HLCS: variants seen among roughly 807,000 people sequenced by gnomAD.
The protein encoded by HLCS is biotin--protein ligase.
A neutral mutation model predicts 75.0 loss-of-function variants in HLCS; 53 were observed. The observed-to-expected ratio is 0.71, with a 90% CI of 0.57 to 0.89. HLCS has a LOEUF of 0.89. Among genes scored for constraint, HLCS ranks in the 40% least tolerant of loss-of-function variants. The pLI is 0.00. For synonymous variants in HLCS, 431 were observed against 428.6 expected (o/e 1.01, Z -0.07); for missense variants, 966 against 1,074.0 (o/e 0.90, Z 1.41).
chr21:36,935,009 T>A (rs561344345), intron 4 of HLCS, among the ~76,000 whole-genome samples: 1 of 152,050 alleles, frequency 6.6e-6, no homozygotes, highest in Non-Finnish European at 1.5e-5. Flanking sequence ...AGTAATGGGG[T>A]CAATTTAAAT....
At chr21:36,846,421 G>A (rs978574879) in intron 6 of HLCS, among the ~76,000 whole-genome samples, 8 of 151,918 alleles carry the variant, frequency 5.3e-5, no homozygotes, top group African/African-American at 1.7e-4. Flanking sequence ...ATTTCCAAGG[G>A]GCCTAGACTG....
chr21:36,919,382 T>G (rs1601740881), intron 5 of HLCS, among the ~76,000 whole-genome samples: 1 of 152,236 alleles, frequency 6.6e-6, no homozygotes, highest in Non-Finnish European at 1.5e-5. Context: ...GCCATGGTAT[T>G]GCTAGGTATC....
At chr21:36,799,573 T>G (rs1475795252) in intron 6 of HLCS, among the ~76,000 whole-genome samples, 1 of 152,156 alleles carries the variant, frequency 6.6e-6, no homozygotes, top group Non-Finnish European at 1.5e-5. Context: ...TTAGAGATGA[T>G]TCTTAAGGCA....
chr21:36,872,280 A>G (rs2063797027), intron 6 of HLCS, among the ~76,000 whole-genome samples: 1 of 151,418 alleles, frequency 6.6e-6, no homozygotes, highest in South Asian at 2.1e-4. Context: ...AAAATTAGCC[A>G]GGCGTGGTGG....
At chr21:36,966,407 G>C (rs1368443029) in intron 1 of HLCS, 37 bp downstream of exon 1, 1 of 654,972 alleles carries the variant, frequency 1.5e-6, no homozygotes, top group East Asian at 1.4e-4. Context: ...CTTCCGGCTC[G>C]CGGGGCCCGG....
intron 6 of HLCS, among the ~76,000 whole-genome samples, chr21:36,881,832 G>A (rs1339789311): frequency 6.6e-6 from 1 of 152,140 alleles, no homozygotes; most frequent in East Asian, 1.9e-4. Flanking sequence ...GGGGGGCTCT[G>A]CACCATTTTA....
rs761549990 is a variant in HLCS, at chr21:36,793,295, C to CTTTTTTTTTTTTTTTTTTTTTTTTT, written c.1893-26011_1893-26010insAAAAAAAAAAAAAAAAAAAAAAAAA. Among the ~76,000 whole-genome samples, 15 of 116,246 alleles carry CTTTTTTTTTTTTTTTTTTTTTTTTT rather than the reference C, an allele frequency of 1.3e-4. 1 individual carries two copies. Among genetic ancestry groups the CTTTTTTTTTTTTTTTTTTTTTTTTT allele is most frequent in the African/African-American group, 4.8e-4 (15 of 31,148 alleles). 76.3% of individuals were successfully genotyped at this position (116,246 alleles called of 152,430 possible). A position where few individuals can be genotyped will look rare whatever the true frequency, so the allele number is the denominator to read the frequency against. ...AGAACACGGGACAGCAGGAAGCAGT[C>CTTTTTTTTTTTTTTTTTTTTTTTTT]TTTTTTTTTTTTTTTTTTGAGATAG... On this transcript the variant is annotated intron_variant, in intron 6 of 10. Coordinates refer to ENST00000674895, the MANE Select transcript of HLCS (RefSeq NM_001352514.2).
chr21:36,956,533 T>C (rs575120948), intron 2 of HLCS, among the ~76,000 whole-genome samples: 258 of 151,902 alleles, frequency 1.7e-3, no homozygotes, highest in South Asian at 1.9e-3. Context: ...TCAAGACCAT[T>C]CTGGCTAACA....
intron 6 of HLCS, among the ~76,000 whole-genome samples, chr21:36,864,174 C>T (rs1008027348): frequency 2.6e-5 from 4 of 151,664 alleles, no homozygotes; most frequent in African/African-American, 9.7e-5. Flanking sequence ...CTGAGGCGGG[C>T]GGATCACTTG....
intron 6 of HLCS, among the ~76,000 whole-genome samples, chr21:36,811,810 T>C (rs551523464): frequency 2.5e-4 from 38 of 152,308 alleles, no homozygotes; most frequent in African/African-American, 8.7e-4. Flanking sequence ...ACACGATGCC[T>C]GCAGATGGTG....
Position 36,896,747 on chromosome 21 carries a change from G to T in HLCS, c.1892+113C>A, listed in dbSNP as rs1037823942. 1.0e-5 allele frequency: 12 copies of T among 1,189,180 alleles called. No homozygotes were observed. The East Asian group carries it at 2.6e-4, about 26-fold the overall frequency. 73.7% of individuals were successfully genotyped at this position (1,189,180 alleles called of 1,614,324 possible). Reference sequence around the variant, plus strand: ...AAGAGTACTTCCACCTTGCTAATAGGTCTGGTCAAACGTATTCCTCTACAA... The same window carrying T: ...AAGAGTACTTCCACCTTGCTAATAGTTCTGGTCAAACGTATTCCTCTACAA... On this transcript the variant is annotated intron_variant, in intron 6 of 10. Coordinates refer to ENST00000674895, the MANE Select transcript of HLCS (RefSeq NM_001352514.2).
At chr21:36,854,820 A>AGTGG (rs2063131179) in intron 6 of HLCS, among the ~76,000 whole-genome samples, 1 of 152,248 alleles carries the variant, frequency 6.6e-6, no homozygotes, top group Non-Finnish European at 1.5e-5. Flanking sequence ...CACTGGACAC[A>AGTGG]CATTTAGATG....
intron 5 of HLCS, among the ~76,000 whole-genome samples, chr21:36,924,313 A>C (rs1286197988): frequency 6.6e-6 from 1 of 152,184 alleles, no homozygotes; most frequent in African/African-American, 2.4e-5. Context: ...TAATCCCAGC[A>C]CTTTGCGGGG....
intron 8 of HLCS, among the ~76,000 whole-genome samples, chr21:36,760,511 G>A (rs1601118378): frequency 6.6e-6 from 1 of 151,956 alleles, no homozygotes; most frequent in East Asian, 1.9e-4. Flanking sequence ...TTGAGAGGCT[G>A]AGGCAGGAGA....
At chr21:36,964,743 G>C (rs1363200434) in intron 1 of HLCS, among the ~76,000 whole-genome samples, 1 of 152,178 alleles carries the variant, frequency 6.6e-6, no homozygotes, top group Non-Finnish European at 1.5e-5. Flanking sequence ...TTAACAGAAG[G>C]CCAGCGGAGT....
At chr21:36,895,309 G>A (rs1177224561) in intron 6 of HLCS, among the ~76,000 whole-genome samples, 3 of 151,988 alleles carry the variant, frequency 2.0e-5, no homozygotes, top group East Asian at 3.8e-4. Flanking sequence ...TGAAGTCTTC[G>A]CTTGAGTAAC....
In HLCS at chr21:36,753,871, G is replaced by C. The variant is rs191880316; in HGVS notation, c.*375C>G. On this transcript the variant is annotated 3_prime_UTR_variant, in exon 11 of 11. Coordinates refer to ENST00000674895, the MANE Select transcript of HLCS (RefSeq NM_001352514.2). This position sits in a 1 kb window ranked among gnomAD's most constrained non-coding sequence, Gnocchi z 4.3. Reference sequence around the variant, plus strand: ...TGGCCTGGGCGCAAGAGCATATTTTGGTTTGTTTTTTCATAGACTAGGGGT... The same window carrying C: ...TGGCCTGGGCGCAAGAGCATATTTTCGTTTGTTTTTTCATAGACTAGGGGT... The C allele has an allele frequency of 5.6e-4, 191 of 338,298 alleles. 1 individual carries two copies. Among genetic ancestry groups the C allele is most frequent in the African/African-American group, 3.9e-3 (183 of 46,696 alleles). 21.0% of individuals were successfully genotyped at this position (338,298 alleles called of 1,614,324 possible).
chr21:36,792,244 C>T (rs1233665725), intron 6 of HLCS, among the ~76,000 whole-genome samples: 2 of 152,046 alleles, frequency 1.3e-5, no homozygotes, highest in Admixed American at 6.5e-5. Context: ...CTCTGGGGAC[C>T]GTCAGCCTTT....
At chr21:36,869,097 AATTTATTTATTTATTT>A (rs71198837) in intron 6 of HLCS, among the ~76,000 whole-genome samples, 6 of 109,156 alleles carry the variant, frequency 5.5e-5, no homozygotes, top group East Asian at 5.7e-4. Flanking sequence ...AAAGATGTTT[AATTTATTTATTTATTT>A]ATTTATTTAT....
Sources: gnomAD v4.1 joint callset for allele counts (sites outside exome capture counted in the v4.1 genomes callset) on GRCh38, gnomAD v4.1.1 for gene constraint, Gnocchi (gnomAD v3.1) non-coding constraint, MANE v1.5 for transcripts, NCBI Gene and HGNC (gene_info 2026-07-23, HGNC 2026-07-21) for gene names.